KCNN3: variants seen among roughly 807,000 people sequenced by gnomAD.
The protein encoded by KCNN3 is small conductance calcium-activated potassium channel protein 3.
In KCNN3, 16 loss-of-function variants were observed where a neutral mutation model predicts 62.9. The ratio of observed to expected loss-of-function variants is 0.25; its 90% CI spans 0.17 to 0.39. KCNN3 has a LOEUF of 0.39. Among genes scored for constraint, KCNN3 ranks in the 10% least tolerant of loss-of-function variants. KCNN3 has a pLI of 1.00. For missense variants in KCNN3, 599 were observed against 949.4 expected, an observed-to-expected ratio of 0.63 and a Z score of 4.85; for synonymous variants, 370 against 389.2, an observed-to-expected ratio of 0.95 and a Z score of 0.58.
At chr1:154,770,610 A>G (rs868081567) in intron 3 of KCNN3, among the ~76,000 whole-genome samples, 12 of 152,336 alleles carry the variant, frequency 7.9e-5, no homozygotes, top group South Asian at 2.1e-4. Flanking sequence ...TCAAGCAAAC[A>G]TAGCTTCATT....
chr1:154,749,181 A>G (rs1431344297), intron 3 of KCNN3, among the ~76,000 whole-genome samples: 2 of 152,254 alleles, frequency 1.3e-5, no homozygotes, highest in African/African-American at 4.8e-5. Context: ...CCTGTTCAGC[A>G]GCATAGGTTG....
chr1:154,783,419 TC>T (rs1208305444), intron 2 of KCNN3, among the ~76,000 whole-genome samples: 3 of 152,174 alleles, frequency 2.0e-5, no homozygotes, highest in Non-Finnish European at 4.4e-5. Flanking sequence ...ACCACGGCTT[TC>T]ATTTCCACAG....
intron 3 of KCNN3, among the ~76,000 whole-genome samples, chr1:154,756,193 G>A (rs1470612594): frequency 9.0e-6 from 1 of 110,754 alleles, no homozygotes. Flanking sequence ...AGGATGGGGA[G>A]GGGAGGAGGA....
intron 3 of KCNN3, among the ~76,000 whole-genome samples, chr1:154,767,498 C>T (rs1275376281): frequency 6.6e-6 from 1 of 152,338 alleles, no homozygotes; most frequent in East Asian, 1.9e-4. Context: ...TGTTGCTCCT[C>T]CCAAGGAGAT....
In KCNN3 at chr1:154,766,416, T is replaced by TTTTATATATATA. The variant is rs1553231996; in HGVS notation, c.1448+5558_1448+5559insTATATATATAAA. On this transcript the variant is annotated intron_variant, in intron 3 of 7. Coordinates refer to ENST00000271915, the MANE Select transcript of KCNN3 (RefSeq NM_002249.6). ...CCATTTATTAAATACTAGCCAGGCT[T>TTTTATATATATA]TATATATATATATATATATATATAT... is the stretch of plus-strand genomic sequence containing the variant. Among the ~76,000 whole-genome samples the TTTTATATATATA allele has an allele frequency of 5.2e-4, 37 of 71,796 alleles. 3 individuals are homozygous for TTTTATATATATA. The highest frequency in any genetic ancestry group is 8.1e-4 in the Non-Finnish European group (29 of 35,918). The allele number at this position is 71,796 out of a possible 152,430, so 47.1% of individuals were successfully genotyped here.
chr1:154,792,054 G>A (rs577320497), intron 2 of KCNN3, among the ~76,000 whole-genome samples: 74 of 152,316 alleles, frequency 4.9e-4, no homozygotes, highest in African/African-American at 1.8e-3. Context: ...CCAATGAGGG[G>A]CAAAGCCATA....
At chr1:154,752,587 G>A (rs1018023702) in intron 3 of KCNN3, among the ~76,000 whole-genome samples, 1 of 152,206 alleles carries the variant, frequency 6.6e-6, no homozygotes, top group Non-Finnish European at 1.5e-5. Context: ...CTCCTGCCCT[G>A]CTTACTTCAC....
intron 7 of KCNN3, among the ~76,000 whole-genome samples, chr1:154,709,119 T>G (rs1012265343): frequency 6.6e-6 from 1 of 152,136 alleles, no homozygotes; most frequent in Non-Finnish European, 1.5e-5. Flanking sequence ...CTCCCCGTGT[T>G]CCAGGGGTGC....
At chr1:154,752,860 C>T (rs969054324) in intron 3 of KCNN3, among the ~76,000 whole-genome samples, 1 of 152,158 alleles carries the variant, frequency 6.6e-6, no homozygotes, top group African/African-American at 2.4e-5. Flanking sequence ...CCTATGAGGA[C>T]ACTGCATGTC....
rs1478090044 is a variant in KCNN3 at position 154,826,069 on chromosome 1, AAAAAC to A, written c.934-3890_934-3886del. ...CTTAAAAAAAAACAAAAACAAAAAC[AAAAAC>A]AAAAACAAAAACAAAAAAAACCAAA... On this transcript the variant is annotated intron_variant, in intron 1 of 7. Coordinates refer to ENST00000271915, the MANE Select transcript of KCNN3 (RefSeq NM_002249.6). Among the ~76,000 whole-genome samples, 22 of 82,622 alleles carry A rather than the reference AAAAAC, an allele frequency of 2.7e-4. 3 individuals are homozygous for A. Among genetic ancestry groups the A allele is most frequent in the East Asian group, 1.5e-3 (1 of 678 alleles). The allele number at this position is 82,622 out of a possible 152,430, so 54.2% of individuals were successfully genotyped here. A position where few individuals can be genotyped will look rare whatever the true frequency, so the allele number is the denominator to read the frequency against.
chr1:154,816,317 C>T (rs1650660612), intron 2 of KCNN3, among the ~76,000 whole-genome samples: 1 of 152,218 alleles, frequency 6.6e-6, no homozygotes, highest in Non-Finnish European at 1.5e-5. Flanking sequence ...ATGCCTTTTA[C>T]TTTGAATATG....
intron 1 of KCNN3, among the ~76,000 whole-genome samples, chr1:154,838,000 C>T (rs1042290404): frequency 4.6e-5 from 7 of 152,168 alleles, no homozygotes; most frequent in Non-Finnish European, 8.8e-5. Context: ...GCCTGAATTA[C>T]GAGGGCAGGA....
intron 1 of KCNN3, among the ~76,000 whole-genome samples, chr1:154,854,626 C>T (rs761449495): frequency 7.2e-5 from 11 of 152,256 alleles, no homozygotes; most frequent in African/African-American, 9.6e-5. Context: ...GTTTTTTCTA[C>T]TACAGTCATG....
chr1:154,708,615 T>C (rs1205394153), intron 7 of KCNN3, among the ~76,000 whole-genome samples: 1 of 152,060 alleles, frequency 6.6e-6, no homozygotes. Flanking sequence ...ACATGGCTGC[T>C]GGCATCTAAT....
At chr1:154,722,104 C>T (rs1049654765) in intron 5 of KCNN3, among the ~76,000 whole-genome samples, 14 of 152,064 alleles carry the variant, frequency 9.2e-5, no homozygotes, top group African/African-American at 3.4e-4. Flanking sequence ...AGTGCTGGCT[C>T]TCATGGCAAA....
At chr1:154,799,499 A>G (rs1043204388) in intron 2 of KCNN3, among the ~76,000 whole-genome samples, 2 of 152,222 alleles carry the variant, frequency 1.3e-5, no homozygotes, top group African/African-American at 4.8e-5. Flanking sequence ...CAGAGTCTCC[A>G]GAAAACGAGG....
intron 2 of KCNN3, among the ~76,000 whole-genome samples, chr1:154,773,187 C>T (rs1648644989): frequency 1.3e-5 from 2 of 152,074 alleles, no homozygotes. Context: ...CAGTGTCTGT[C>T]GTTCCCCTCT....
chr1:154,859,590 G>A, intron 1 of KCNN3: 2 of 1,122,748 alleles, frequency 1.8e-6, no homozygotes, highest in South Asian at 2.5e-5. Flanking sequence ...GGCCCCCTCA[G>A]CTCAAAGCCA....
In KCNN3 at chr1:154,750,340, C is replaced by T. The variant is rs186094959; in HGVS notation, c.1449-17196G>A. ...CCCCTCCTCACCCATTTCCTCGGCC[C>T]CAGGAGCAGAATGAAAGAGATATGA... On this transcript the variant is annotated intron_variant, in intron 3 of 7. Coordinates refer to ENST00000271915, the MANE Select transcript of KCNN3 (RefSeq NM_002249.6). 2.0e-5 allele frequency among the ~76,000 whole-genome samples: 3 copies of T among 152,314 alleles called. No homozygotes were observed. The South Asian group carries it at 6.2e-4, about 32-fold the overall frequency.
Sources: gnomAD v4.1 joint callset for allele counts (sites outside exome capture counted in the v4.1 genomes callset) on GRCh38, gnomAD v4.1.1 for gene constraint, MANE v1.5 for transcripts, NCBI Gene and HGNC (gene_info 2026-07-23, HGNC 2026-07-21) for gene names.